FRMD5: variants seen among roughly 807,000 people sequenced by gnomAD.
FRMD5 encodes FERM domain containing 5.
A neutral mutation model predicts 69.0 loss-of-function variants in FRMD5; 20 were observed. That is an observed-to-expected ratio of 0.29 (90% confidence interval 0.20 to 0.42). The LOEUF is 0.42. FRMD5 is among the 10% of genes least tolerant of loss of function. The probability of loss-of-function intolerance (pLI) is 1.00; values close to 1 mark genes in which losing one functional copy is unlikely to be tolerated. For missense variants in FRMD5, 595 were observed against 708.6 expected, an observed-to-expected ratio of 0.84 and a Z score of 1.82; for synonymous variants, 271 against 260.1, an observed-to-expected ratio of 1.04 and a Z score of -0.40.
intron 1 of FRMD5, among the ~76,000 whole-genome samples, chr15:44,002,158 G>T (rs918030539): frequency 2.0e-5 from 3 of 152,042 alleles, no homozygotes; most frequent in African/African-American, 7.2e-5. Flanking sequence ...CCCTTTCTCT[G>T]CCCTGGCCCA....
At chr15:44,133,532 C>T (rs1447549589) in intron 1 of FRMD5, among the ~76,000 whole-genome samples, 1 of 143,938 alleles carries the variant, frequency 6.9e-6, no homozygotes, top group Non-Finnish European at 1.5e-5. Flanking sequence ...GCTGAGATCG[C>T]ACCACTGCAC....
At chr15:44,017,483 C>G (rs1280407124) in intron 1 of FRMD5, among the ~76,000 whole-genome samples, 1 of 151,948 alleles carries the variant, frequency 6.6e-6, no homozygotes, top group African/African-American at 2.4e-5. Context: ...TTACATTTAA[C>G]TATTTATTTA....
At chr15:43,965,334 C>T (rs2090275822) in intron 1 of FRMD5, among the ~76,000 whole-genome samples, 2 of 152,136 alleles carry the variant, frequency 1.3e-5, no homozygotes, top group African/African-American at 2.4e-5. Flanking sequence ...TTACTGATGA[C>T]GTGTCAGGGA....
chr15:44,059,920 T>G (rs983803795), intron 1 of FRMD5, among the ~76,000 whole-genome samples: 11 of 152,216 alleles, frequency 7.2e-5, no homozygotes, highest in Admixed American at 2.6e-4. Flanking sequence ...AAAAATAGTA[T>G]TTAAGTTTCA....
intron 1 of FRMD5, among the ~76,000 whole-genome samples, chr15:44,085,030 T>G (rs2140460428): frequency 6.6e-6 from 1 of 152,284 alleles, no homozygotes; most frequent in East Asian, 1.9e-4. Flanking sequence ...TATGGAAATC[T>G]AATATGGCTA....
intron 1 of FRMD5, among the ~76,000 whole-genome samples, chr15:44,153,723 C>G (rs1408479789): frequency 6.6e-6 from 1 of 152,224 alleles, no homozygotes; most frequent in Non-Finnish European, 1.5e-5. Flanking sequence ...AATCCCAGCA[C>G]TTTGGGAGGC....
chr15:44,016,166 A>G (rs1890948022), intron 1 of FRMD5, among the ~76,000 whole-genome samples: 1 of 152,196 alleles, frequency 6.6e-6, no homozygotes, highest in Non-Finnish European at 1.5e-5. Flanking sequence ...AAACAGCAAC[A>G]TCTGCAAACC....
At chr15:44,030,474 A>G (rs1891631744) in intron 1 of FRMD5, among the ~76,000 whole-genome samples, 1 of 152,194 alleles carries the variant, frequency 6.6e-6, no homozygotes, top group African/African-American at 2.4e-5. Context: ...TTTATGTGTT[A>G]ATGACTTCAA....
chr15:43,928,094 C>A (rs1298306311), intron 1 of FRMD5, among the ~76,000 whole-genome samples: 1 of 152,158 alleles, frequency 6.6e-6, no homozygotes, highest in Admixed American at 6.5e-5. Flanking sequence ...TCCCACTACC[C>A]ATTCCCTACA....
chr15:43,937,598 A>C (rs2089782773), intron 1 of FRMD5, among the ~76,000 whole-genome samples: 1 of 150,130 alleles, frequency 6.7e-6, no homozygotes, highest in Admixed American at 6.7e-5. Flanking sequence ...AGATCGCGCC[A>C]CTGCACTCTG....
chr15:44,085,337 T>C (rs1426466254), intron 1 of FRMD5, among the ~76,000 whole-genome samples: 3 of 152,124 alleles, frequency 2.0e-5, no homozygotes, highest in Non-Finnish European at 4.4e-5. Context: ...TTTCTGTCAA[T>C]AGGGTAGACC....
Position 43,977,607 on chromosome 15 carries a change from T to C in FRMD5, c.103-53298A>G, listed in dbSNP as rs74459618. On this transcript the variant is annotated intron_variant, in intron 1 of 13. Coordinates refer to ENST00000417257, the MANE Select transcript of FRMD5 (RefSeq NM_032892.5). ...TCATCAAGCAGGGTAAAAACATTAA[T>C]ATTAAGCAGATGACAATGAAAGGAC... is the stretch of plus-strand genomic sequence containing the variant. 2.3e-3 allele frequency among the ~76,000 whole-genome samples: 353 copies of C among 152,326 alleles called. 7 individuals are homozygous for C. In the East Asian group the frequency reaches 0.06, roughly 26 times the overall value.
intron 1 of FRMD5, among the ~76,000 whole-genome samples, chr15:44,047,541 GACAA>G (rs1892482044): frequency 6.6e-6 from 1 of 152,052 alleles, no homozygotes; most frequent in Non-Finnish European, 1.5e-5. Context: ...AAACATCTAT[GACAA>G]ACAATTCTTT....
chr15:44,136,797 C>T (rs60415979), intron 1 of FRMD5, among the ~76,000 whole-genome samples: 8 of 152,142 alleles, frequency 5.3e-5, no homozygotes, highest in South Asian at 4.1e-4. Flanking sequence ...AGGAACAAAA[C>T]GAAATCATTT....
rs1567199401 is a variant in FRMD5, at chr15:43,873,243, A to C, written c.*642T>G. 1 of 1,548,994 alleles carries C rather than the reference A, an allele frequency of 6.5e-7. No homozygotes were observed. Among genetic ancestry groups the C allele is most frequent in the East Asian group, 2.4e-5 (1 of 40,924 alleles). ...CCACTCTGCTCAGATTTGAAAAAACAAAAGGAAAAGAAAATCCAACTCAGA... is the reference window on the plus strand; with the variant it reads ...CCACTCTGCTCAGATTTGAAAAAACCAAAGGAAAAGAAAATCCAACTCAGA... On this transcript the variant is annotated 3_prime_UTR_variant, in exon 14 of 14. Transcript: ENST00000417257.
chr15:44,057,232 C>T (rs1566924337), intron 1 of FRMD5, among the ~76,000 whole-genome samples: 1 of 151,778 alleles, frequency 6.6e-6, no homozygotes, highest in Non-Finnish European at 1.5e-5. Context: ...TCAAGCGATT[C>T]TCCTGCCTCA....
intron 1 of FRMD5, among the ~76,000 whole-genome samples, chr15:43,959,392 CAAG>C (rs2090162387): frequency 1.3e-5 from 2 of 152,152 alleles, no homozygotes; most frequent in African/African-American, 4.8e-5. Context: ...TGGTAGTTCC[CAAG>C]AAATCAAATG....
At chr15:43,937,753 T>C (rs1397155640) in intron 1 of FRMD5, among the ~76,000 whole-genome samples, 1 of 151,946 alleles carries the variant, frequency 6.6e-6, no homozygotes, top group African/African-American at 2.4e-5. Context: ...GGCCTAGTGT[T>C]GACTTGGTTG....
intron 1 of FRMD5, among the ~76,000 whole-genome samples, chr15:44,069,781 T>C (rs1284455544): frequency 6.6e-6 from 1 of 152,202 alleles, no homozygotes; most frequent in East Asian, 1.9e-4. Flanking sequence ...GCTGCAGTTT[T>C]GCAAGATGTT....
Sources: allele counts gnomAD v4.1 joint callset (sites outside exome capture counted in the v4.1 genomes callset), GRCh38; gene constraint gnomAD v4.1.1; transcripts MANE v1.5; gene names NCBI Gene and HGNC (gene_info 2026-07-23, HGNC 2026-07-21).